The following IQGAP1 variants were observed in gnomAD, a reference collection of about 807,000 sequenced individuals.
IQGAP1 encodes IQ motif containing GTPase activating protein 1.
Under a neutral mutation model 215.6 loss-of-function variants are expected in IQGAP1, and 66 were observed. The observed-to-expected ratio is 0.31, with a 90% confidence interval of 0.25 to 0.38. IQGAP1 has a LOEUF of 0.38. IQGAP1 is among the 10% of genes least tolerant of loss of function. The pLI is 1.00. For synonymous variants in IQGAP1, 772 were observed against 728.7 expected (o/e 1.06, Z -0.96); for missense variants, 1,712 against 1,997.1 (o/e 0.86, Z 2.72).
chr15:90,399,132 AT>A (rs1173919198), intron 2 of IQGAP1, among the ~76,000 whole-genome samples: 25 of 147,708 alleles, frequency 1.7e-4, no homozygotes, highest in African/African-American at 3.0e-4. Flanking sequence ...ATTAAAAAAA[AT>A]TTTTTTTTTT....
intron 2 of IQGAP1, among the ~76,000 whole-genome samples, chr15:90,424,833 C>G (rs1401533191): frequency 6.9e-6 from 1 of 145,968 alleles, no homozygotes; most frequent in Non-Finnish European, 1.5e-5. Context: ...AGTGAGACTC[C>G]AACTTAAAAA....
intron 2 of IQGAP1, among the ~76,000 whole-genome samples, chr15:90,416,600 C>T (rs1270881453): frequency 2.8e-5 from 4 of 144,828 alleles, no homozygotes; most frequent in African/African-American, 1.0e-4. Context: ...TTTTTTGAGA[C>T]GGAGTCTTGC....
intron 26 of IQGAP1, 45 bp downstream of exon 26, chr15:90,477,934 T>G: frequency 1.7e-6 from 2 of 1,196,694 alleles, no homozygotes; most frequent in Non-Finnish European, 2.5e-6. Flanking sequence ...TGTTATAGTC[T>G]TTCCCTCTTT....
intron 2 of IQGAP1, among the ~76,000 whole-genome samples, chr15:90,421,142 A>T (rs1454469745): frequency 6.6e-6 from 1 of 151,792 alleles, no homozygotes; most frequent in Non-Finnish European, 1.5e-5. Flanking sequence ...ATCTCAAAGA[A>T]AAATTTTTTT....
chr15:90,443,404 CAGAG>C lies in IQGAP1; in HGVS notation c.845_848del (p.Arg282LysfsTer18). 1 of 1,612,190 alleles carries C rather than the reference CAGAG, an allele frequency of 6.2e-7. No individual in the cohort carries two copies. Among genetic ancestry groups the C allele is most frequent in the Non-Finnish European group, 8.5e-7 (1 of 1,178,484 alleles). Reference sequence around the variant, plus strand: ...TTTACTCATCCTCAGACAGAAAACTCAGAGAGAGAAAGAGATGTTTATGAGGAGC... The same window carrying C: ...TTTACTCATCCTCAGACAGAAAACTCAGAGAAAGAGATGTTTATGAGGAGC... On this transcript the variant is annotated frameshift_variant, in exon 9 of 38. Transcript: ENST00000268182. LOFTEE classifies it high-confidence loss of function.
chr15:90,429,554 A>T (rs529751122), intron 3 of IQGAP1, 35 bp from the exon 4 acceptor site: 1 of 1,446,484 alleles, frequency 6.9e-7, no homozygotes, highest in East Asian at 2.3e-5. Flanking sequence ...GCTTCAATAC[A>T]GCCAATAATA....
intron 18 of IQGAP1, among the ~76,000 whole-genome samples, chr15:90,469,734 A>C (rs1451690424): frequency 6.6e-6 from 1 of 152,224 alleles, no homozygotes; most frequent in Non-Finnish European, 1.5e-5. Context: ...ATATTTTAGC[A>C]GCTGAGGAAA....
At chr15:90,464,004 C>T (rs1053194825) in intron 15 of IQGAP1, among the ~76,000 whole-genome samples, 3 of 152,180 alleles carry the variant, frequency 2.0e-5, no homozygotes, top group East Asian at 1.9e-4. Context: ...GGCAGTGAAA[C>T]GTTTCACTTT....
chr15:90,496,142 T>C (rs11631269), intron 36 of IQGAP1, among the ~76,000 whole-genome samples: 35,123 of 151,284 alleles, frequency 0.23, 5,790 homozygotes, highest in African/African-American at 0.47. Context: ...ATAAGATGCA[T>C]GTGTGTTTCA....
Position 90,490,837 on chromosome 15 carries a change from C to T in IQGAP1, c.4249-496C>T, listed in dbSNP as rs560262319. Among the ~76,000 whole-genome samples the T allele has an allele frequency of 3.3e-5, 5 of 152,270 alleles. No homozygotes were observed. In the East Asian group the frequency reaches 9.7e-4, roughly 29 times the overall value. ...GTTTTTTGTTTTTTTGAGACGGAGT[C>T]TCGCTCTGTCGCCCAGACTGGAGTG... On this transcript the variant is annotated intron_variant, in intron 33 of 37. Transcript: ENST00000268182.
At chr15:90,470,407 T>A (rs949877960) in intron 18 of IQGAP1, among the ~76,000 whole-genome samples, 1 of 152,194 alleles carries the variant, frequency 6.6e-6, no homozygotes, top group African/African-American at 2.4e-5. Context: ...CCTGGGATCT[T>A]GTTAAAATGA....
At chr15:90,467,302 T>C (rs1965845391) in intron 17 of IQGAP1, 148 bp from the exon 18 acceptor site, 1 of 640,632 alleles carries the variant, frequency 1.6e-6, no homozygotes, top group African/African-American at 1.9e-5. Flanking sequence ...GAGCTTAGCA[T>C]GCCCCTTTAC....
intron 2 of IQGAP1, among the ~76,000 whole-genome samples, chr15:90,421,911 T>C (rs546781377): frequency 6.6e-6 from 1 of 152,382 alleles, no homozygotes; most frequent in African/African-American, 2.4e-5. Context: ...TCCACCCGCG[T>C]TGGCCTCCCA....
Position 90,476,399 on chromosome 15 carries a change from CTT to C in IQGAP1, c.2785-263_2785-262del, listed in dbSNP as rs1424111997. Among the ~76,000 whole-genome samples, 17 of 152,160 alleles carry C rather than the reference CTT, an allele frequency of 1.1e-4. No homozygotes were observed. The East Asian group carries it at 3.1e-3, about 28-fold the overall frequency. On this transcript the variant is annotated intron_variant, in intron 23 of 37. Coordinates refer to ENST00000268182, the MANE Select transcript of IQGAP1 (RefSeq NM_003870.4). ...TATGTAGCTTTTATTGTATTTAAGA[CTT>C]ATTTTTATAATAGACTGCTGGAAGT...
intron 22 of IQGAP1, 52 bp downstream of exon 22, chr15:90,474,185 A>C (rs748250919): frequency 2.0e-6 from 3 of 1,476,808 alleles, no homozygotes; most frequent in Non-Finnish European, 2.8e-6. Context: ...GGAGCCACCA[A>C]GTTCAGGGTA....
In IQGAP1 at chr15:90,456,207, G is replaced by A; in HGVS notation, c.1668G>A (p.Lys556=). The A allele has an allele frequency of 1.9e-6, 3 of 1,614,102 alleles. No homozygotes were observed. Among genetic ancestry groups the A allele is most frequent in the Non-Finnish European group, 2.5e-6 (3 of 1,179,994 alleles). ...NEALDEGDAQ[K]TLQALQIPAA... ...CCCTGGATGAAGGTGATGCCCAAAA[G>A]ACTCTGCAGGCCCTACAGATTCCTG... The change falls in exon 15 of 38, where the codon AAG becomes AAA. Residue 556 remains lysine, a synonymous_variant. Transcript: ENST00000268182.
At chr15:90,449,012 AC>A (rs1316959723) in intron 10 of IQGAP1, among the ~76,000 whole-genome samples, 1 of 152,146 alleles carries the variant, frequency 6.6e-6, no homozygotes, top group Admixed American at 6.5e-5. Flanking sequence ...TCTCTCTCCA[AC>A]TAAAAGACAT....
At chr15:90,410,421 C>G (rs1454270447) in intron 2 of IQGAP1, among the ~76,000 whole-genome samples, 2 of 152,066 alleles carry the variant, frequency 1.3e-5, no homozygotes, top group East Asian at 1.9e-4. Context: ...TGATAGCAAA[C>G]ACTTGGAACC....
intron 18 of IQGAP1, among the ~76,000 whole-genome samples, chr15:90,469,305 C>T (rs956979085): frequency 6.6e-5 from 10 of 152,182 alleles, no homozygotes; most frequent in Non-Finnish European, 1.3e-4. Context: ...TCATTTACTT[C>T]CCTTTGGCAA....
Sources: allele counts gnomAD v4.1 joint callset (sites outside exome capture counted in the v4.1 genomes callset), GRCh38; gene constraint gnomAD v4.1.1; transcripts MANE v1.5; gene names NCBI Gene and HGNC (gene_info 2026-07-23, HGNC 2026-07-21).